Variants in REV3L observed in about 807,000 individuals in gnomAD.
REV3L encodes DNA polymerase zeta catalytic subunit.
In REV3L, 69 loss-of-function variants were observed where a neutral mutation model predicts 299.4. The observed-to-expected ratio is 0.23, with a 90% CI of 0.19 to 0.28. REV3L has a LOEUF of 0.28. REV3L is among the 10% of genes least tolerant of loss of function. The pLI is 1.00. For missense variants in REV3L, 3,128 were observed against 3,693.8 expected (o/e 0.85, Z 3.97); for synonymous variants, 1,238 against 1,271.4 (o/e 0.97, Z 0.56).
At chr6:111,335,306 G>A (rs561838818) in intron 22 of REV3L, among the ~76,000 whole-genome samples, 163 bp downstream of exon 22, 16 of 152,212 alleles carry the variant, frequency 1.1e-4, no homozygotes, top group Non-Finnish European at 1.8e-4. Context: ...GGCAGTGGCC[G>A]GAAAGTTGGC....
chr6:111,331,908 T>G (rs1049359451), intron 23 of REV3L, 124 bp from the exon 24 acceptor site: 5 of 654,064 alleles, frequency 7.6e-6, no homozygotes, highest in African/African-American at 7.5e-5. Context: ...CAAGAATTCA[T>G]GTACTTAGTA....
intron 16 of REV3L, among the ~76,000 whole-genome samples, chr6:111,359,246 T>C (rs1020528754): frequency 2.0e-5 from 3 of 152,146 alleles, no homozygotes; most frequent in African/African-American, 7.2e-5. Flanking sequence ...AATGACAATA[T>C]TTAGACTATT....
In REV3L at chr6:111,374,631, C is replaced by T. The variant is rs1780116801; in HGVS notation, c.3724G>A (p.Val1242Ile). The change falls in exon 13 of 32, where the codon GTA becomes ATA. Residue 1242 changes from valine to isoleucine, a missense_variant. Physicochemically the swap from Val to Ile is conservative, Grantham distance 29 (BLOSUM62 3). Transcript: ENST00000368802. ...KSQSGAEVKF[V>I]LKHQNVSEFA... ...TCAGACACATTCTGGTGTTTCAGTA[C>T]AAACTTAACCTCAGCACCAGACTGA... 1 of 1,613,582 alleles carries T rather than the reference C, an allele frequency of 6.2e-7. No homozygotes were observed. Among genetic ancestry groups the T allele is most frequent in the Non-Finnish European group, 8.5e-7 (1 of 1,179,840 alleles).
At chr6:111,437,555 A>T (rs1464374737) in intron 1 of REV3L, among the ~76,000 whole-genome samples, 1 of 151,554 alleles carries the variant, frequency 6.6e-6, no homozygotes, top group Non-Finnish European at 1.5e-5. Flanking sequence ...TATATAGAGA[A>T]AAATTTTAAA....
chr6:111,465,760 A>AAC (rs1791410464), intron 1 of REV3L, among the ~76,000 whole-genome samples: 1 of 151,134 alleles, frequency 6.6e-6, no homozygotes, highest in African/African-American at 2.4e-5. Flanking sequence ...AAAAAAAAAA[A>AAC]AAAAAACTTT....
intron 1 of REV3L, among the ~76,000 whole-genome samples, chr6:111,422,210 T>C (rs1238460906): frequency 6.6e-6 from 1 of 152,154 alleles, no homozygotes; most frequent in Non-Finnish European, 1.5e-5. Flanking sequence ...ATGTTATATC[T>C]GTATAATAGC....
intron 31 of REV3L, 36 bp downstream of exon 31, chr6:111,307,325 T>C (rs750917342): frequency 1.9e-6 from 3 of 1,549,556 alleles, no homozygotes; most frequent in Non-Finnish European, 2.7e-6. Flanking sequence ...AAGATCAGAC[T>C]GCTTGTGATT....
intron 9 of REV3L, among the ~76,000 whole-genome samples, chr6:111,386,498 G>A (rs1781358587): frequency 6.6e-6 from 1 of 152,040 alleles, no homozygotes; most frequent in Non-Finnish European, 1.5e-5. Context: ...TATTGCTGGT[G>A]GGAAAGTAAA....
At chr6:111,331,159 T>G (rs1775336879) in intron 24 of REV3L, 1 of 345,716 alleles carries the variant, frequency 2.9e-6, no homozygotes, top group Non-Finnish European at 4.1e-6. Flanking sequence ...AGTTTTCCTC[T>G]GTCTCTTTTG....
At chr6:111,429,705 G>A (rs1238193993) in intron 1 of REV3L, among the ~76,000 whole-genome samples, 2 of 152,166 alleles carry the variant, frequency 1.3e-5, no homozygotes, top group Non-Finnish European at 2.9e-5. Context: ...TTAGCTTCTC[G>A]AGAGGGGCCT....
chr6:111,393,176 G>A (rs1782115408), intron 4 of REV3L, among the ~76,000 whole-genome samples: 1 of 151,828 alleles, frequency 6.6e-6, no homozygotes, highest in South Asian at 2.1e-4. Context: ...TAGCCTCCAA[G>A]CGCAGCAAAT....
chr6:111,430,717 C>G, intron 1 of REV3L: 1 of 1,546,880 alleles, frequency 6.5e-7, no homozygotes, highest in Non-Finnish European at 8.9e-7. Context: ...AAAAGAAAGA[C>G]AAAGACATGC....
chr6:111,396,295 G>A (rs1266551724), intron 4 of REV3L, among the ~76,000 whole-genome samples: 1 of 151,846 alleles, frequency 6.6e-6, no homozygotes, highest in Non-Finnish European at 1.5e-5. Context: ...CCAAAGTTCT[G>A]GGATTACAGG....
At position 111,322,554 on chromosome 6, in the gene REV3L, C is replaced by A. The variant is rs944790042; in HGVS notation, c.8351+15G>T. On this transcript the variant is annotated intron_variant, in intron 26 of 31. Transcript: ENST00000368802. ...AGAGATGCAAAAGACAACTACAAAA[C>A]CAAAAACCCATTACCTGTCAGTATC... 1.9e-6 allele frequency: 3 copies of A among 1,598,728 alleles called. No individual in the cohort carries two copies. Among genetic ancestry groups the A allele is most frequent in the Non-Finnish European group, 2.6e-6 (3 of 1,166,318 alleles).
At chr6:111,331,499 G>C (rs1304154326) in intron 24 of REV3L, among the ~76,000 whole-genome samples, 177 bp downstream of exon 24, 1 of 152,130 alleles carries the variant, frequency 6.6e-6, no homozygotes, top group Non-Finnish European at 1.5e-5. Flanking sequence ...CAAGGTGACT[G>C]GTTTGTTCCT....
chr6:111,365,713 A>C (rs1042468200), intron 14 of REV3L, among the ~76,000 whole-genome samples: 2 of 152,178 alleles, frequency 1.3e-5, no homozygotes, highest in East Asian at 3.8e-4. Flanking sequence ...ACATACTAGA[A>C]AAATAAAATT....
At chr6:111,305,949 G>T (rs1772239017) in intron 31 of REV3L, among the ~76,000 whole-genome samples, 1 of 152,178 alleles carries the variant, frequency 6.6e-6, no homozygotes, top group Admixed American at 6.5e-5. Flanking sequence ...GCTGAAAGTT[G>T]GTTGGTAATA....
chr6:111,362,438 T>TA (rs1418010815), intron 16 of REV3L, among the ~76,000 whole-genome samples: 1 of 152,190 alleles, frequency 6.6e-6, no homozygotes, highest in African/African-American at 2.4e-5. Context: ...TAAAGGTGGT[T>TA]ACTAATCCTC....
At chr6:111,453,784 G>A (rs1268404426) in intron 1 of REV3L, among the ~76,000 whole-genome samples, 1 of 152,228 alleles carries the variant, frequency 6.6e-6, no homozygotes, top group Non-Finnish European at 1.5e-5. Flanking sequence ...AGGAGTTCGA[G>A]ACCAGCCTGG....
Sources: allele counts gnomAD v4.1 joint callset (sites outside exome capture counted in the v4.1 genomes callset), GRCh38; gene constraint gnomAD v4.1.1; transcripts MANE v1.5; gene names NCBI Gene and HGNC (gene_info 2026-07-23, HGNC 2026-07-21).